PIK3C2A: variants seen among roughly 807,000 people sequenced by gnomAD.
PIK3C2A encodes the protein phosphatidylinositol 4-phosphate 3-kinase C2 domain-containing subunit alpha.
A neutral mutation model predicts 204.5 loss-of-function variants in PIK3C2A; 97 were observed. The ratio of observed to expected loss-of-function variants is 0.47; its 90% CI spans 0.40 to 0.56. PIK3C2A has a LOEUF of 0.56. Ranked by LOEUF, PIK3C2A falls within the 20% of genes least tolerant of loss-of-function variation. The pLI, the probability that PIK3C2A is intolerant of heterozygous loss-of-function variation, is 0.00. For synonymous variants in PIK3C2A, 653 were observed against 664.4 expected, an observed-to-expected ratio of 0.98 and a Z score of 0.26; for missense variants, 1,735 against 1,969.2, an observed-to-expected ratio of 0.88 and a Z score of 2.25.
At chr11:17,118,887 T>G in intron 17 of PIK3C2A, 148 bp from the exon 18 acceptor site, 1 of 548,748 alleles carries the variant, frequency 1.8e-6, no homozygotes. Context: ...TGAATTAACC[T>G]ATGCCAAACT....
intron 16 of PIK3C2A, 108 bp from the exon 17 acceptor site, chr11:17,119,421 T>C (rs552145431): frequency 2.2e-4 from 154 of 691,274 alleles, no homozygotes; most frequent in Non-Finnish European, 3.5e-4. Flanking sequence ...CACTAAGATA[T>C]CTCTTTTATT....
At chr11:17,151,857 T>A (rs1438289025) in intron 3 of PIK3C2A, among the ~76,000 whole-genome samples, 1 of 152,194 alleles carries the variant, frequency 6.6e-6, no homozygotes, top group East Asian at 1.9e-4. Context: ...ATAATACACC[T>A]TTTCTTTATA....
intron 2 of PIK3C2A, among the ~76,000 whole-genome samples, chr11:17,159,308 C>T (rs947079409): frequency 2.0e-5 from 3 of 152,194 alleles, no homozygotes; most frequent in African/African-American, 2.4e-5. Context: ...TAACCACACA[C>T]ATTTTTTAAC....
At chr11:17,097,625 A>G (rs1329741529) in intron 26 of PIK3C2A, among the ~76,000 whole-genome samples, 3 of 152,204 alleles carry the variant, frequency 2.0e-5, no homozygotes, top group Non-Finnish European at 4.4e-5. Flanking sequence ...AAAGAAAGTA[A>G]TCCAAGGGCT....
chr11:17,164,998 C>T (rs1160144737), intron 2 of PIK3C2A, among the ~76,000 whole-genome samples: 1 of 151,934 alleles, frequency 6.6e-6, no homozygotes, highest in Non-Finnish European at 1.5e-5. Flanking sequence ...ACACCCCTGC[C>T]CCACCAAAGG....
rs1852310461 is a variant in PIK3C2A, at chr11:17,199,995, T to A, written c.-66+7853A>T. On this transcript the variant is annotated intron_variant, in intron 1 of 32. Coordinates refer to ENST00000691414, the MANE Select transcript of PIK3C2A (RefSeq NM_002645.4). The stretch of plus-strand genomic sequence containing the variant: ...CACTGCTTAACAGCTACAGAGTTTG[T>A]TTGGGATGGTAAAAAATACAAAAAA... Among the ~76,000 whole-genome samples the A allele has an allele frequency of 2.0e-5, 3 of 151,274 alleles. No individual in the cohort carries two copies. In the South Asian group the frequency reaches 6.3e-4, roughly 32 times the overall value.
intron 18 of PIK3C2A, among the ~76,000 whole-genome samples, 156 bp downstream of exon 18, chr11:17,118,489 T>C (rs1271127126): frequency 3.3e-5 from 5 of 152,164 alleles, no homozygotes; most frequent in Admixed American, 2.0e-4. Context: ...AATTTTTGCA[T>C]TAGAGGGTAA....
At chr11:17,121,826 A>C (rs1472981869) in intron 15 of PIK3C2A, among the ~76,000 whole-genome samples, 1 of 152,044 alleles carries the variant, frequency 6.6e-6, no homozygotes, top group Non-Finnish European at 1.5e-5. Context: ...TAATCTTATT[A>C]ATAAGAAAAA....
At chr11:17,114,313 C>T (rs751074838) in intron 20 of PIK3C2A, 48 bp downstream of exon 20, 4 of 997,590 alleles carry the variant, frequency 4.0e-6, no homozygotes, top group Non-Finnish European at 6.4e-6. Context: ...TGCCTTCTTC[C>T]TATTATTTTC....
chr11:17,178,114 A>AG (rs1555034937), intron 1 of PIK3C2A, among the ~76,000 whole-genome samples: 28 of 73,234 alleles, frequency 3.8e-4, no homozygotes, highest in South Asian at 5.3e-4. Context: ...AAAAAAAAAG[A>AG]AAAAAAAAAT....
At chr11:17,141,524 T>C (rs1590955376) in intron 8 of PIK3C2A, 1 of 152,200 alleles carries the variant, frequency 6.6e-6, no homozygotes, top group Non-Finnish European at 1.5e-5. Context: ...TCCCATATAA[T>C]GTTGGAAAAC....
At chr11:17,194,919 A>G (rs1852095109) in intron 1 of PIK3C2A, among the ~76,000 whole-genome samples, 1 of 151,810 alleles carries the variant, frequency 6.6e-6, no homozygotes, top group African/African-American at 2.4e-5. Context: ...CGAAGAAAAA[A>G]AAAAAAAGAT....
In PIK3C2A at chr11:17,169,132, T is replaced by A; in HGVS notation, c.610A>T (p.Thr204Ser). Residue 204 changes from threonine to serine, a missense_variant, in exon 2 of 33, where the codon ACA (threonine) becomes TCA (serine). By Grantham distance (58) the Thr-to-Ser change is moderately conservative (BLOSUM62 1). Transcript: ENST00000691414. ...PYFSYPLTPA[T>S]PFHPQGSLPI... ...AAGCTTCCTTGTGGATGAAAGGGTGTGGCAGGTGTCAAAGGATATGAGAAA... is the reference window on the plus strand; with the variant it reads ...AAGCTTCCTTGTGGATGAAAGGGTGAGGCAGGTGTCAAAGGATATGAGAAA... 6.2e-7 allele frequency: 1 copy of A among 1,614,204 alleles called. No homozygotes were observed. The highest frequency in any genetic ancestry group is 8.5e-7 in the Non-Finnish European group (1 of 1,180,010).
At chr11:17,120,104 T>C in intron 15 of PIK3C2A, 130 bp from the exon 16 acceptor site, 1 of 510,392 alleles carries the variant, frequency 2.0e-6, no homozygotes, top group Non-Finnish European at 3.4e-6. Flanking sequence ...TAATACTAAT[T>C]TGGAATAGAA....
intron 1 of PIK3C2A, among the ~76,000 whole-genome samples, chr11:17,201,544 GAAAAAAGAAAAA>G (rs1555041222): frequency 3.2e-5 from 1 of 30,798 alleles, no homozygotes; most frequent in Admixed American, 4.3e-4. Context: ...AAAAAAAAAA[GAAAAAAGAAAAA>G]AAAAAAGAAA....
intron 32 of PIK3C2A, among the ~76,000 whole-genome samples, chr11:17,090,887 G>A (rs1408169194): frequency 1.3e-5 from 2 of 151,488 alleles, no homozygotes; most frequent in African/African-American, 2.4e-5. Flanking sequence ...TTACAGGTGC[G>A]TGCCACCATG....
chr11:17,120,955 A>G, intron 15 of PIK3C2A, among the ~76,000 whole-genome samples: 1 of 152,060 alleles, frequency 6.6e-6, no homozygotes, highest in East Asian at 1.9e-4. Flanking sequence ...GATTACAGGC[A>G]TGTGCCACCA....
At chr11:17,145,768 T>C in intron 7 of PIK3C2A, 37 bp from the exon 8 acceptor site, 1 of 1,556,998 alleles carries the variant, frequency 6.4e-7, no homozygotes, top group Non-Finnish European at 8.9e-7. Flanking sequence ...TGAAGGATGC[T>C]ACACACAAAA....
chr11:17,122,684 G>T lies in PIK3C2A; in HGVS notation c.2511+18C>A. 9.5e-7 allele frequency: 1 copy of T among 1,055,030 alleles called. No individual in the cohort carries two copies. Among genetic ancestry groups the T allele is most frequent in the Non-Finnish European group, 1.5e-6 (1 of 679,240 alleles). The allele number at this position is 1,055,030 out of a possible 1,614,324, so 65.4% of individuals were successfully genotyped here. A position where few individuals can be genotyped will look rare whatever the true frequency, so the allele number is the denominator to read the frequency against. On this transcript the variant is annotated intron_variant, in intron 14 of 32. Transcript: ENST00000691414. ...AATTTAAATGTACACCTCTCTACAT[G>T]TCAAGAAGTACCATTACCTGTAGCA... is the stretch of plus-strand genomic sequence containing the variant.
Sources: allele counts gnomAD v4.1 joint callset (sites outside exome capture counted in the v4.1 genomes callset), GRCh38; gene constraint gnomAD v4.1.1; transcripts MANE v1.5; gene names NCBI Gene and HGNC (gene_info 2026-07-23, HGNC 2026-07-21).